DEDD2: variants seen among roughly 807,000 people sequenced by gnomAD.
The protein encoded by DEDD2 is death effector domain containing 2.
In DEDD2, 18 loss-of-function variants were observed where a neutral mutation model predicts 28.9. That is an observed-to-expected ratio of 0.62 (90% CI 0.43 to 0.92). DEDD2 has a LOEUF of 0.92. DEDD2 is among the 40% of genes least tolerant of loss of function. DEDD2 has a pLI of 0.00. For missense variants in DEDD2, 411 were observed against 463.3 expected (o/e 0.89, Z 1.04); for synonymous variants, 211 against 206.1 (o/e 1.02, Z -0.20).
At chr19:42,214,588 C>T (rs1223352438) in intron 3 of DEDD2, among the ~76,000 whole-genome samples, 1 of 150,368 alleles carries the variant, frequency 6.7e-6, no homozygotes, top group Non-Finnish European at 1.5e-5. Context: ...AAGGGGGAGA[C>T]CACACCTCTA....
At chr19:42,219,478 T>A (rs1354236221), upstream of DEDD2, among the ~76,000 whole-genome samples, 1 of 152,002 alleles carries the variant, frequency 6.6e-6, no homozygotes, top group Non-Finnish European at 1.5e-5. Context: ...GGTGGACACC[T>A]GTAATCCCAA....
At chr19:42,207,685 C>T (rs2035587408) in intron 4 of DEDD2, among the ~76,000 whole-genome samples, 2 of 152,180 alleles carry the variant, frequency 1.3e-5, no homozygotes, top group East Asian at 1.9e-4. Flanking sequence ...CAATTCTGAG[C>T]CCTCCGTGCC....
chr19:42,219,003 T>A (rs905976400), upstream of DEDD2, among the ~76,000 whole-genome samples: 1 of 151,336 alleles, frequency 6.6e-6, no homozygotes, highest in Non-Finnish European at 1.5e-5. Context: ...GGCGAGACTT[T>A]GTCTCAAGAA....
intron 3 of DEDD2, among the ~76,000 whole-genome samples, chr19:42,211,574 G>GATAA (rs1381206576): frequency 6.6e-6 from 1 of 152,080 alleles, no homozygotes; most frequent in Non-Finnish European, 1.5e-5. Flanking sequence ...AATCTCAATG[G>GATAA]GATATGCTCA....
chr19:42,214,944 G>GA (rs1265301358), intron 3 of DEDD2, among the ~76,000 whole-genome samples, 189 bp downstream of exon 3: 3 of 151,760 alleles, frequency 2.0e-5, no homozygotes, highest in Non-Finnish European at 4.4e-5. Flanking sequence ...AACGAAACAC[G>GA]AAACTATGTG....
chr19:42,208,208 C>G (rs1267289930), intron 4 of DEDD2, among the ~76,000 whole-genome samples: 1 of 152,172 alleles, frequency 6.6e-6, no homozygotes, highest in Non-Finnish European at 1.5e-5. Flanking sequence ...GTGTCCTCCC[C>G]ACATGACCAA....
At chr19:42,209,027 C>A (rs1260363254) in intron 4 of DEDD2, among the ~76,000 whole-genome samples, 1 of 152,152 alleles carries the variant, frequency 6.6e-6, no homozygotes, top group African/African-American at 2.4e-5. Context: ...CACTTGAGGT[C>A]AGGAGTTCAA....
rs770386345 is a variant in DEDD2 at position 42,199,636 on chromosome 19, G to A, written c.783C>T (p.Ala261=). The change falls in exon 5 of 5, where the codon GCC becomes GCT. Residue 261 remains alanine, a synonymous_variant. Coordinates refer to ENST00000596251, the MANE Select transcript of DEDD2 (RefSeq NM_133328.4). The surrounding 1 kb of genome is among the most constrained non-coding windows in gnomAD (Gnocchi z 7.4). ...IKFSELSYLD[A]FWGDYLSGAL... is the part of the protein sequence containing the mutation. ...CGCCACTCAGGTAGTCGCCCCAGAA[G>A]GCGTCCAGATAGGAGAGCTCTGAGA... 5.6e-6 allele frequency: 9 copies of A among 1,614,046 alleles called. No individual in the cohort carries two copies. Among genetic ancestry groups the A allele is most frequent in the South Asian group, 2.2e-5 (2 of 91,090 alleles).
At chr19:42,204,482 C>CA (rs2035451260) in intron 4 of DEDD2, 1 of 152,794 alleles carries the variant, frequency 6.5e-6, no homozygotes, top group East Asian at 1.9e-4. Flanking sequence ...GCCTGCTCCC[C>CA]TTGGCCTTCC....
rs1392271565 is a variant in DEDD2, at chr19:42,198,642, G to A, written c.*796C>T. 5 of 152,274 alleles carry A rather than the reference G, an allele frequency of 3.3e-5. No homozygotes were observed. Among genetic ancestry groups the A allele is most frequent in the Admixed American group, 2.6e-4 (4 of 15,290 alleles). 9.4% of individuals were successfully genotyped at this position (152,274 alleles called of 1,614,324 possible). Reference sequence around the variant, plus strand: ...CAGGGCAGTTTAATTGGTATCATTTGTAAAAGGTCTTTTCCATCACCCCCA... The same window carrying A: ...CAGGGCAGTTTAATTGGTATCATTTATAAAAGGTCTTTTCCATCACCCCCA... On this transcript the variant is annotated 3_prime_UTR_variant, in exon 5 of 5. Transcript: ENST00000596251.
chr19:42,215,060 G>A, intron 3 of DEDD2, 73 bp downstream of exon 3: 1 of 1,585,052 alleles, frequency 6.3e-7, no homozygotes, highest in Non-Finnish European at 8.6e-7. Flanking sequence ...AACCCCTCAG[G>A]CCCCTTCCTT....
chr19:42,211,069 CAAAAAAAAAA>C (rs750942650), intron 3 of DEDD2, among the ~76,000 whole-genome samples: 5 of 51,740 alleles, frequency 9.7e-5, no homozygotes, highest in Admixed American at 6.3e-4. Flanking sequence ...GACCCTGTCT[CAAAAAAAAAA>C]AAAAAAAAAA....
chr19:42,209,946 G>T, intron 3 of DEDD2, 106 bp from the exon 4 acceptor site: 1 of 1,380,290 alleles, frequency 7.2e-7, no homozygotes. Context: ...GAGACCCTGA[G>T]TGAGCCAGTC....
At position 42,199,131 on chromosome 19, in the gene DEDD2, A is replaced by AG. The variant is rs766292848; in HGVS notation, c.*306dup. 4 of 419,162 alleles carry AG rather than the reference A, an allele frequency of 9.5e-6. No individual in the cohort carries two copies. Among genetic ancestry groups the AG allele is most frequent in the Admixed American group, 4.1e-5 (1 of 24,216 alleles). The allele number at this position is 419,162 out of a possible 1,614,324, so 26.0% of individuals were successfully genotyped here. On this transcript the variant is annotated 3_prime_UTR_variant, in exon 5 of 5. Coordinates refer to ENST00000596251, the MANE Select transcript of DEDD2 (RefSeq NM_133328.4). This position sits in a 1 kb window ranked among gnomAD's most constrained non-coding sequence, Gnocchi z 7.4. ...GCCCAAGATCAGAGATACAATGTGC[A>AG]GGGGGGCCTTTGGTGAGTGTGTAGC...
Position 42,217,047 on chromosome 19 carries a change from T to G in DEDD2, c.-38-2A>C, listed in dbSNP as rs1395522695. The G allele has an allele frequency of 6.5e-7, 1 of 1,547,270 alleles. No homozygotes were observed. The highest frequency in any genetic ancestry group is 8.7e-7 in the Non-Finnish European group (1 of 1,143,776). On this transcript the variant is annotated splice_acceptor_variant, in intron 1 of 4. Coordinates refer to ENST00000596251, the MANE Select transcript of DEDD2 (RefSeq NM_133328.4). LOFTEE classifies it low-confidence loss of function (5UTR_SPLICE). ...GGCGGAACAAGCTCAGAACCCGGCC[T>G]AGAACCCACACAGCGGGGAGGGGGC...
intron 3 of DEDD2, among the ~76,000 whole-genome samples, chr19:42,210,349 G>A (rs2035706805): frequency 6.6e-6 from 1 of 152,058 alleles, no homozygotes; most frequent in South Asian, 2.1e-4. Flanking sequence ...ATGAATTGGG[G>A]GTGAGGGGCA....
At chr19:42,209,563 G>A in intron 4 of DEDD2, 137 bp downstream of exon 4, 2 of 1,283,620 alleles carry the variant, frequency 1.6e-6, no homozygotes, top group Non-Finnish European at 2.1e-6. Context: ...GAAAGGACAA[G>A]AATTCCACTG....
chr19:42,218,780 C>T (rs1599797218), upstream of DEDD2, among the ~76,000 whole-genome samples: 1 of 152,366 alleles, frequency 6.6e-6, no homozygotes, highest in East Asian at 1.9e-4. Context: ...CGTCTGTAAT[C>T]CCAGCACTTT....
chr19:42,212,516 G>A (rs1473486817), intron 3 of DEDD2, among the ~76,000 whole-genome samples: 2 of 150,270 alleles, frequency 1.3e-5, no homozygotes, highest in East Asian at 4.0e-4. Flanking sequence ...CCAGACTGGA[G>A]TGCAGTGGCA....
Sources: allele counts gnomAD v4.1 joint callset (sites outside exome capture counted in the v4.1 genomes callset), GRCh38; gene constraint gnomAD v4.1.1; non-coding constraint Gnocchi (gnomAD v3.1); transcripts MANE v1.5; gene names NCBI Gene and HGNC (gene_info 2026-07-23, HGNC 2026-07-21).